Variants in UGT1A10 observed in about 807,000 individuals in gnomAD.
The protein encoded by UGT1A10 is UDP glucuronosyltransferase family 1 member A10, also known as UDP-glucuronosyltransferase 1A10.
In UGT1A10, 49 loss-of-function variants were observed where a neutral mutation model predicts 45.8. The ratio of observed to expected loss-of-function variants is 1.07; its 90% CI spans 0.85 to 1.36. The LOEUF (loss-of-function observed/expected upper bound fraction) is 1.36. Ranked by LOEUF, UGT1A10 falls within the 40% of genes most tolerant of loss-of-function variation. The pLI is 0.00. For synonymous variants in UGT1A10, 284 were observed against 249.7 expected, an observed-to-expected ratio of 1.14 and a Z score of -1.29; for missense variants, 745 against 668.6, an observed-to-expected ratio of 1.11 and a Z score of -1.26.
At chr2:233,724,183 G>A (rs1455555189) in intron 1 of UGT1A10, among the ~76,000 whole-genome samples, 1,241 of 117,586 alleles carry the variant, frequency 0.011, 5 homozygotes, top group Non-Finnish European at 0.017. Flanking sequence ...TCTCCCTCCC[G>A]GACGGGGTGG....
intron 1 of UGT1A10, among the ~76,000 whole-genome samples, chr2:233,681,180 C>T (rs1280077707): frequency 6.6e-6 from 1 of 151,900 alleles, no homozygotes; most frequent in Non-Finnish European, 1.5e-5. Context: ...GACCCTTGCT[C>T]TCTTTCCGTC....
rs746650868 is a variant in UGT1A10 at position 233,672,389 on chromosome 2, A to C, written c.855+35012A>C. 2.2e-5 allele frequency: 35 copies of C among 1,613,982 alleles called. 1 individual carries two copies. Among genetic ancestry groups the C allele is most frequent in the Middle Eastern group, 1.6e-4 (1 of 6,076 alleles). On this transcript the variant is annotated intron_variant, in intron 1 of 4. Coordinates refer to ENST00000344644, the MANE Select transcript of UGT1A10 (RefSeq NM_019075.4). Reference sequence around the variant, plus strand: ...GCAGTGTTTCTCGATCCTTTTGATAACTGTGGCTTAATTGTTGCCAAATAT... The same window carrying C: ...GCAGTGTTTCTCGATCCTTTTGATACCTGTGGCTTAATTGTTGCCAAATAT...
At chr2:233,713,559 C>A (rs2076330071) in intron 1 of UGT1A10, 1 of 1,613,946 alleles carries the variant, frequency 6.2e-7, no homozygotes, top group Non-Finnish European at 8.5e-7. Context: ...GTGTCCAAAC[C>A]CTTCCTCCTA....
chr2:233,735,108 G>T (rs1171222877), intron 1 of UGT1A10, among the ~76,000 whole-genome samples: 1 of 152,182 alleles, frequency 6.6e-6, no homozygotes, highest in Non-Finnish European at 1.5e-5. Flanking sequence ...AATATCGACA[G>T]TGGGATGTTA....
intron 1 of UGT1A10, among the ~76,000 whole-genome samples, chr2:233,748,921 T>C (rs1470974823): frequency 7.9e-5 from 12 of 151,634 alleles, no homozygotes; most frequent in Non-Finnish European, 2.9e-5. Context: ...CAGGTGAAGC[T>C]GAACATATCA....
chr2:233,713,117 C>T (rs1559358887), intron 1 of UGT1A10: 1 of 1,614,102 alleles, frequency 6.2e-7, no homozygotes, highest in Non-Finnish European at 8.5e-7. Flanking sequence ...GCCACTGGCT[C>T]AGCATGCGGG....
At chr2:233,694,023 A>G (rs2075196025) in intron 1 of UGT1A10, among the ~76,000 whole-genome samples, 1 of 152,122 alleles carries the variant, frequency 6.6e-6, no homozygotes, top group African/African-American at 2.4e-5. Context: ...CACATAGGAG[A>G]CCTGAGGCTG....
chr2:233,772,783 CAGGATGACATGTGCCATTTTTCAG>C lies in UGT1A10; in HGVS notation c.*229_*252del. 7.8e-7 allele frequency: 1 copy of C among 1,277,504 alleles called. No homozygotes were observed. The highest frequency in any genetic ancestry group is 1.0e-6 in the Non-Finnish European group (1 of 966,400). 79.1% of individuals were successfully genotyped at this position (1,277,504 alleles called of 1,614,324 possible). On this transcript the variant is annotated 3_prime_UTR_variant, in exon 5 of 5. Transcript: ENST00000344644. ...TCGTGCCCCCTCTGGTGTCTTTGAT[CAGGATGACATGTGCCATTTTTCAG>C]AGGACGTGCAGACAGGCTGGCATTC... is the stretch of plus-strand genomic sequence containing the variant.
At chr2:233,747,695 G>C in intron 1 of UGT1A10, 1 of 1,611,470 alleles carries the variant, frequency 6.2e-7, no homozygotes, top group Non-Finnish European at 8.5e-7. Flanking sequence ...GGGCAGTGCT[G>C]GCTAAGTACC....
intron 1 of UGT1A10, among the ~76,000 whole-genome samples, chr2:233,679,236 C>T (rs995916387): frequency 2.0e-5 from 3 of 152,156 alleles, no homozygotes; most frequent in South Asian, 2.1e-4. Flanking sequence ...GGTCCAATAT[C>T]GAAAGAACTT....
chr2:233,768,039 G>T (rs1699553199), intron 3 of UGT1A10, 103 bp downstream of exon 3: 10 of 1,610,920 alleles, frequency 6.2e-6, no homozygotes, highest in Non-Finnish European at 8.5e-6. Flanking sequence ...AAATATTATG[G>T]CCAACATATC....
intron 1 of UGT1A10, among the ~76,000 whole-genome samples, chr2:233,668,936 T>C (rs1282662210): frequency 2.6e-5 from 4 of 152,254 alleles, no homozygotes; most frequent in Admixed American, 1.3e-4. Flanking sequence ...TTGTCAGTTT[T>C]GAGCAATTCT....
chr2:233,636,761 C>T lies in UGT1A10; in HGVS notation c.239C>T (p.Ser80Leu), dbSNP rs144472939. ...LNCTVKTYST[S>L]YTLEDQNREF... ...TGCACAGTGAAGACTTACTCAACCT[C>T]GTACACTCTGGAAGATCAGAACCGG... The change falls in exon 1 of 5, where the codon TCG becomes TTG. Residue 80 changes from serine to leucine, a missense_variant. Transcript: ENST00000344644. 125 of 1,614,172 alleles carry T rather than the reference C, an allele frequency of 7.7e-5. No homozygotes were observed. Among genetic ancestry groups the T allele is most frequent in the African/African-American group, 1.9e-4 (14 of 75,038 alleles).
At chr2:233,755,059 C>G (rs773771831) in intron 1 of UGT1A10, 6 of 1,335,122 alleles carry the variant, frequency 4.5e-6, no homozygotes, top group Admixed American at 3.8e-5. Context: ...TCCGCCCTCG[C>G]CTCGCCATAG....
At chr2:233,657,257 G>GT (rs968085622) in intron 1 of UGT1A10, among the ~76,000 whole-genome samples, 3 of 152,112 alleles carry the variant, frequency 2.0e-5, no homozygotes, top group South Asian at 2.1e-4. Context: ...TGGCGGTTTA[G>GT]TTTTTTTGTG....
chr2:233,734,462 A>G (rs990660022), intron 1 of UGT1A10, among the ~76,000 whole-genome samples: 2 of 145,254 alleles, frequency 1.4e-5, no homozygotes, highest in African/African-American at 5.4e-5. Context: ...TTCAAAATCC[A>G]TCTCCTGGAT....
At chr2:233,654,041 C>CT (rs1255973004) in intron 1 of UGT1A10, among the ~76,000 whole-genome samples, 1 of 152,186 alleles carries the variant, frequency 6.6e-6, no homozygotes, top group East Asian at 1.9e-4. Flanking sequence ...AATTTGTGAG[C>CT]ATAAAATGAA....
chr2:233,648,151 T>A (rs1184378461), intron 1 of UGT1A10: 38 of 1,220,266 alleles, frequency 3.1e-5, no homozygotes, highest in Non-Finnish European at 4.3e-5. Flanking sequence ...ACGACGCTTA[T>A]TTTCTCTATT....
At chr2:233,718,968 G>A (rs1423240253) in intron 1 of UGT1A10, 1 of 1,614,222 alleles carries the variant, frequency 6.2e-7, no homozygotes, top group Non-Finnish European at 8.5e-7. Flanking sequence ...GGCCTTGCGG[G>A]AGCTCCATGC....
Sources: allele counts gnomAD v4.1 joint callset (sites outside exome capture counted in the v4.1 genomes callset), GRCh38; gene constraint gnomAD v4.1.1; transcripts MANE v1.5; gene names NCBI Gene and HGNC (gene_info 2026-07-23, HGNC 2026-07-21).